USP10: variants seen among roughly 807,000 people sequenced by gnomAD.
USP10 encodes ubiquitin carboxyl-terminal hydrolase 10.
Under a neutral mutation model 84.5 loss-of-function variants are expected in USP10, and 22 were observed. The ratio of observed to expected loss-of-function variants is 0.26; its 90% CI spans 0.19 to 0.37. The LOEUF (loss-of-function observed/expected upper bound fraction) is 0.37, where lower values mean the gene tolerates loss of function less well. Ranked by LOEUF, USP10 falls within the 10% of genes least tolerant of loss-of-function variation. The pLI, the probability that USP10 is intolerant of heterozygous loss-of-function variation, is 1.00. For missense variants in USP10, 1,019 were observed against 998.9 expected (o/e 1.02, Z -0.27); for synonymous variants, 454 against 387.6 (o/e 1.17, Z -2.01).
chr16:84,758,216 A>G (rs542511106), intron 4 of USP10, among the ~76,000 whole-genome samples: 74 of 152,232 alleles, frequency 4.9e-4, no homozygotes, highest in Non-Finnish European at 9.8e-4. Flanking sequence ...ATTTTTACTC[A>G]CTGAACAGCC....
chr16:84,708,010 G>A (rs1303075849), intron 1 of USP10, among the ~76,000 whole-genome samples: 1 of 152,072 alleles, frequency 6.6e-6, no homozygotes, highest in African/African-American at 2.4e-5. Context: ...CCTGGGAGGT[G>A]GACATTGTAG....
intron 1 of USP10, among the ~76,000 whole-genome samples, chr16:84,700,391 C>T (rs913022552): frequency 3.8e-4 from 57 of 151,996 alleles, no homozygotes; most frequent in African/African-American, 1.1e-3. Context: ...AAGGGGTTAA[C>T]CTCCCTGGGG....
intron 4 of USP10, among the ~76,000 whole-genome samples, chr16:84,758,301 G>T (rs1454846232): frequency 2.0e-5 from 3 of 152,198 alleles, no homozygotes; most frequent in African/African-American, 7.2e-5. Context: ...CGTGGGTTCT[G>T]CAAGATATCT....
At chr16:84,756,625 C>T (rs1912576688) in intron 4 of USP10, among the ~76,000 whole-genome samples, 1 of 151,978 alleles carries the variant, frequency 6.6e-6, no homozygotes, top group Non-Finnish European at 1.5e-5. Flanking sequence ...AGAAAGATAG[C>T]AGGCTTTGAG....
At chr16:84,738,795 C>T (rs1424135423) in intron 2 of USP10, among the ~76,000 whole-genome samples, 1 of 152,138 alleles carries the variant, frequency 6.6e-6, no homozygotes, top group Non-Finnish European at 1.5e-5. Context: ...GCTTTTATTG[C>T]TGTGATTATT....
chr16:84,737,843 C>A (rs1385623290), intron 2 of USP10, among the ~76,000 whole-genome samples: 1 of 152,248 alleles, frequency 6.6e-6, no homozygotes, highest in Non-Finnish European at 1.5e-5. Context: ...AGTGCCCAGT[C>A]AGTGCCACCT....
intron 1 of USP10, among the ~76,000 whole-genome samples, chr16:84,719,481 A>C (rs1006876863): frequency 6.6e-6 from 1 of 152,194 alleles, no homozygotes; most frequent in Non-Finnish European, 1.5e-5. Context: ...TGAAGCCAGA[A>C]TTGTTGCAGG....
intron 1 of USP10, among the ~76,000 whole-genome samples, chr16:84,710,615 G>T (rs538229490): frequency 3.3e-5 from 5 of 152,292 alleles, no homozygotes; most frequent in African/African-American, 1.2e-4. Context: ...TATATTCGTA[G>T]AAAATATTAA....
rs1226572167 is a variant in USP10, at chr16:84,775,296, TTGCTGCAACTTA to T, written c.2209+72_2209+83del. ...AAGGGGTTTACAGCTGGGCACAGGT[TTGCTGCAACTTA>T]GCATAGCGACCAGATGCTGTACTCA... On this transcript the variant is annotated intron_variant, in intron 13 of 13. Transcript: ENST00000219473. 4.1e-6 allele frequency: 6 copies of T among 1,473,766 alleles called. No individual in the cohort carries two copies. In the African/African-American group the frequency reaches 8.3e-5, roughly 20 times the overall value. The allele number at this position is 1,473,766 out of a possible 1,614,324, so 91.3% of individuals were successfully genotyped here.
chr16:84,745,161 C>T lies in USP10; in HGVS notation c.680C>T (p.Pro227Leu), dbSNP rs1288137108. Residue 227 changes from proline (P) to leucine (L), a missense_variant, in exon 4 of 14, where the codon CCT (proline) becomes CTT (leucine). Pro to Leu is a moderately conservative substitution (Grantham distance 98, BLOSUM62 -3). This residue lies in a region of USP10 where 787 missense variants were observed against 708.8 expected (regional missense o/e 1.11). Coordinates refer to ENST00000219473, the MANE Select transcript of USP10 (RefSeq NM_005153.3). Reference protein sequence around the residue: ...DSVSDIVPDSPFPGALGSDTR... With the variant: ...DSVSDIVPDSLFPGALGSDTR... ...GTCAGTGACATTGTGCCTGACAGTC[C>T]TTTCCCCGGAGCACTCGGCAGTGAC... is the stretch of plus-strand genomic sequence containing the variant. 8.1e-6 allele frequency: 13 copies of T among 1,613,416 alleles called. No individual in the cohort carries two copies. The highest frequency in any genetic ancestry group is 1.7e-5 in the Admixed American group (1 of 59,984).
At chr16:84,715,190 A>G (rs954339048) in intron 1 of USP10, among the ~76,000 whole-genome samples, 2 of 152,148 alleles carry the variant, frequency 1.3e-5, no homozygotes, top group African/African-American at 2.4e-5. Flanking sequence ...TAGGCCTCCC[A>G]AAGTGCTTGG....
intron 1 of USP10, chr16:84,716,479 A>G (rs1412325142): frequency 6.6e-6 from 1 of 152,218 alleles, no homozygotes; most frequent in African/African-American, 2.4e-5. Flanking sequence ...CGAAATACAG[A>G]CTGACACAAG....
chr16:84,765,671 C>G (rs1025692900), intron 10 of USP10, among the ~76,000 whole-genome samples: 1 of 152,100 alleles, frequency 6.6e-6, no homozygotes. Flanking sequence ...ATCCATTGGC[C>G]CATCCACAGA....
Position 84,779,178 on chromosome 16 carries a change from A to ACCTCTCTTTAGTGG in USP10, c.*97_*98insCTCTCTTTAGTGGC, listed in dbSNP as rs1915327326. 7.0e-7 allele frequency: 1 copy of ACCTCTCTTTAGTGG among 1,434,664 alleles called. No homozygotes were observed. The highest frequency in any genetic ancestry group is 1.4e-5 in the African/African-American group (1 of 70,436). 88.9% of individuals were successfully genotyped at this position (1,434,664 alleles called of 1,614,324 possible). A position where few individuals can be genotyped will look rare whatever the true frequency, so the allele number is the denominator to read the frequency against. On this transcript the variant is annotated 3_prime_UTR_variant, in exon 14 of 14. Transcript: ENST00000219473. ...CTCTTTAGTGGCTCTTTAGAGAGAA[A>ACCTCTCTTTAGTGG]CTCTTTCTCCCTTTGCAAAAATGGG...
rs138884146 is a variant in USP10 at position 84,736,003 on chromosome 16, C to T, written c.90+2500C>T. ...GAGTGGCGAGGGCGTGTCACTTGGA[C>T]CTGTGGGTGTGTGAGTGGCGAGGGC... On this transcript the variant is annotated intron_variant, in intron 2 of 13. Transcript: ENST00000219473. Among the ~76,000 whole-genome samples the T allele has an allele frequency of 5.5e-3, 824 of 151,108 alleles. 9 individuals are homozygous for T. The highest frequency in any genetic ancestry group is 0.019 in the African/African-American group (757 of 40,834).
At chr16:84,749,776 G>T (rs538188026) in intron 4 of USP10, among the ~76,000 whole-genome samples, 36 of 152,250 alleles carry the variant, frequency 2.4e-4, no homozygotes, top group East Asian at 1.5e-3. Context: ...AAGGGATTTT[G>T]AAGTGAAATA....
chr16:84,757,642 GA>G (rs1912739962), intron 4 of USP10, among the ~76,000 whole-genome samples: 1 of 151,944 alleles, frequency 6.6e-6, no homozygotes, highest in Non-Finnish European at 1.5e-5. Flanking sequence ...ATTTTTAAAT[GA>G]ATTTTTGATT....
intron 1 of USP10, among the ~76,000 whole-genome samples, chr16:84,727,493 C>G (rs1908654882): frequency 6.6e-6 from 1 of 151,684 alleles, no homozygotes; most frequent in Non-Finnish European, 1.5e-5. Flanking sequence ...CAAACAAAAA[C>G]TCTTTATTTG....
At chr16:84,726,926 C>T (rs1446226808) in intron 1 of USP10, among the ~76,000 whole-genome samples, 1 of 152,230 alleles carries the variant, frequency 6.6e-6, no homozygotes, top group East Asian at 1.9e-4. Flanking sequence ...CTTTTGACCC[C>T]AGTGTTCTGA....
Sources: allele counts gnomAD v4.1 joint callset (sites outside exome capture counted in the v4.1 genomes callset), GRCh38; gene constraint gnomAD v4.1.1; regional missense constraint gnomAD v4.1.1; transcripts MANE v1.5; gene names NCBI Gene and HGNC (gene_info 2026-07-23, HGNC 2026-07-21).